Variants in FOXK2 observed in about 807,000 individuals in gnomAD.
The protein encoded by FOXK2 is forkhead box K2.
A neutral mutation model predicts 53.3 loss-of-function variants in FOXK2; 24 were observed. The observed-to-expected ratio is 0.45, with a 90% CI of 0.33 to 0.63. FOXK2 has a LOEUF of 0.63. Ranked by LOEUF, FOXK2 falls within the 30% of genes least tolerant of loss-of-function variation. The pLI is 0.03. For synonymous variants in FOXK2, 505 were observed against 407.1 expected (o/e 1.24, Z -2.89); for missense variants, 952 against 910.5 (o/e 1.05, Z -0.59).
chr17:82,563,580 C>G, intron 2 of FOXK2, 32 bp downstream of exon 2: 1 of 1,581,170 alleles, frequency 6.3e-7, no homozygotes, highest in Non-Finnish European at 8.6e-7. Context: ...ACTGGAGCAT[C>G]CTTAGTCCCA....
intron 8 of FOXK2, among the ~76,000 whole-genome samples, chr17:82,587,859 A>T (rs2045208037): frequency 6.6e-6 from 1 of 152,170 alleles, no homozygotes. Context: ...GGCCTGGCTC[A>T]GGTGTGGGCT....
At chr17:82,594,240 T>A (rs1312015443) in intron 8 of FOXK2, among the ~76,000 whole-genome samples, 1 of 152,170 alleles carries the variant, frequency 6.6e-6, no homozygotes, top group Non-Finnish European at 1.5e-5. Flanking sequence ...GGCTCACACC[T>A]GTCATCCCAG....
At chr17:82,527,760 C>T (rs1425821434) in intron 1 of FOXK2, among the ~76,000 whole-genome samples, 1 of 152,204 alleles carries the variant, frequency 6.6e-6, no homozygotes, top group Non-Finnish European at 1.5e-5. Flanking sequence ...TTACTTCTGC[C>T]TCACCTTAGT....
intron 1 of FOXK2, among the ~76,000 whole-genome samples, chr17:82,555,910 A>G (rs2044720084): frequency 7.9e-6 from 1 of 127,316 alleles, no homozygotes; most frequent in African/African-American, 2.9e-5. Context: ...AAAAAAAAAA[A>G]AAAAAAGAAA....
At chr17:82,545,580 CT>C (rs201487331) in intron 1 of FOXK2, among the ~76,000 whole-genome samples, 398 of 139,526 alleles carry the variant, frequency 2.9e-3, no homozygotes, top group African/African-American at 6.4e-3. Flanking sequence ...TGTTGGAAGG[CT>C]TTTTTTTTTT....
Position 82,587,181 on chromosome 17 carries a change from A to G in FOXK2, c.1695A>G (p.Leu565=). 1 of 1,613,112 alleles carries G rather than the reference A, an allele frequency of 6.2e-7. No individual in the cohort carries two copies. Among genetic ancestry groups the G allele is most frequent in the Non-Finnish European group, 8.5e-7 (1 of 1,180,022 alleles). The part of the protein sequence containing the change: ...QTVTIVQQAP[L]GQHQLPIKTV... Reference sequence around the variant, plus strand: ...TGACCATAGTACAACAGGCACCTCTAGGTCAACACCAGCTACCAATAAAAA... The same window carrying G: ...TGACCATAGTACAACAGGCACCTCTGGGTCAACACCAGCTACCAATAAAAA... The change falls in exon 8 of 9, where the codon CTA becomes CTG. Residue 565 remains leucine (L), a synonymous_variant. Transcript: ENST00000335255.
chr17:82,582,336 C>T (rs189505685), intron 4 of FOXK2, among the ~76,000 whole-genome samples: 59 of 152,300 alleles, frequency 3.9e-4, no homozygotes, highest in Admixed American at 9.8e-4. Flanking sequence ...CCCTGCCTCC[C>T]GGGGCCCGTT....
chr17:82,601,272 G>C, intron 8 of FOXK2, 31 bp from the exon 9 acceptor site: 1 of 1,597,820 alleles, frequency 6.3e-7, no homozygotes, highest in Non-Finnish European at 8.5e-7. Flanking sequence ...ACGTGAGAGC[G>C]TGGGGTTCTG....
intron 1 of FOXK2, among the ~76,000 whole-genome samples, chr17:82,532,035 A>G (rs893968755): frequency 3.3e-5 from 5 of 151,870 alleles, no homozygotes; most frequent in Non-Finnish European, 5.9e-5. Context: ...ATTTTAGTAG[A>G]GATGGGGTTT....
intron 1 of FOXK2, among the ~76,000 whole-genome samples, chr17:82,560,827 G>T (rs985021370): frequency 5.9e-5 from 9 of 152,130 alleles, no homozygotes; most frequent in Non-Finnish European, 1.2e-4. Flanking sequence ...CTGGCATGGT[G>T]GCATGCGCCT....
At chr17:82,550,385 A>G (rs1423490731) in intron 1 of FOXK2, among the ~76,000 whole-genome samples, 1 of 152,072 alleles carries the variant, frequency 6.6e-6, no homozygotes, top group Non-Finnish European at 1.5e-5. Flanking sequence ...CAGGAGCAAG[A>G]TGGGCTGTGT....
intron 4 of FOXK2, among the ~76,000 whole-genome samples, chr17:82,578,809 G>C (rs570960000): frequency 6.6e-6 from 1 of 152,314 alleles, no homozygotes; most frequent in South Asian, 2.1e-4. Context: ...TTTGCGTCTC[G>C]TAAGTGATGG....
At chr17:82,523,261 T>C (rs2044384703) in intron 1 of FOXK2, among the ~76,000 whole-genome samples, 1 of 152,174 alleles carries the variant, frequency 6.6e-6, no homozygotes, top group South Asian at 2.1e-4. Context: ...CTACCCGTAC[T>C]GAGTACACAA....
At chr17:82,573,562 T>TCTCTCACACACACACACA (rs1185597025) in intron 4 of FOXK2, among the ~76,000 whole-genome samples, 3 of 83,316 alleles carry the variant, frequency 3.6e-5, no homozygotes, top group African/African-American at 1.4e-4. Context: ...TCTCTCTCTC[T>TCTCTCACACACACACACA]CACACACACA....
chr17:82,593,549 T>A (rs1233473715), intron 8 of FOXK2: 1 of 152,032 alleles, frequency 6.6e-6, no homozygotes, highest in African/African-American at 2.4e-5. Flanking sequence ...CCTGGGAGAG[T>A]GTGGGCCTTC....
chr17:82,596,132 G>C (rs1244731110), intron 8 of FOXK2: 4 of 1,039,896 alleles, frequency 3.8e-6, no homozygotes, highest in African/African-American at 1.7e-5. Context: ...CTGCGACCGC[G>C]ATTGCAGGGA....
At chr17:82,556,691 T>A (rs970350816) in intron 1 of FOXK2, among the ~76,000 whole-genome samples, 4 of 151,670 alleles carry the variant, frequency 2.6e-5, no homozygotes, top group East Asian at 1.9e-4. Flanking sequence ...CCTGCCTCTT[T>A]TTTTTATTTT....
intron 8 of FOXK2, among the ~76,000 whole-genome samples, chr17:82,592,875 C>T (rs572017014): frequency 6.6e-6 from 1 of 152,042 alleles, no homozygotes; most frequent in Admixed American, 6.5e-5. Context: ...TGAAAGCAGA[C>T]CCCGTGAAGG....
chr17:82,586,033 C>A lies in FOXK2; in HGVS notation c.1409C>A (p.Thr470Lys). 2 of 1,612,836 alleles carry A rather than the reference C, an allele frequency of 1.2e-6. No homozygotes were observed. The highest frequency in any genetic ancestry group is 2.2e-5 in the South Asian group (2 of 91,086). The change falls in exon 7 of 9, where the codon ACG becomes AAG. Residue 470 changes from threonine to lysine, a missense_variant. Physicochemically the swap from Thr to Lys is moderately conservative, Grantham distance 78. Coordinates refer to ENST00000335255, the MANE Select transcript of FOXK2 (RefSeq NM_004514.4). ...ACCTCCCAGCCACCCGTCGTGCAGA[C>A]GGTTCACGTCGTCCACCAGATCCCA... Reference protein sequence around the residue: ...TSTSQPPVVQTVHVVHQIPAV... With the variant: ...TSTSQPPVVQKVHVVHQIPAV...
Sources: allele counts gnomAD v4.1 joint callset (sites outside exome capture counted in the v4.1 genomes callset), GRCh38; gene constraint gnomAD v4.1.1; transcripts MANE v1.5; gene names NCBI Gene and HGNC (gene_info 2026-07-23, HGNC 2026-07-21).